The following GCG variants were observed in gnomAD, a reference collection of about 807,000 sequenced individuals.
GCG encodes the protein glucagon, also known as pro-glucagon.
A neutral mutation model predicts 22.8 loss-of-function variants in GCG; 11 were observed. That is an observed-to-expected ratio of 0.48 (90% CI 0.30 to 0.80). The LOEUF (loss-of-function observed/expected upper bound fraction) is 0.80. Among genes scored for constraint, GCG ranks in the 30% least tolerant of loss-of-function variants. The pLI is 0.06. For synonymous variants in GCG, 89 were observed against 72.4 expected (o/e 1.23, Z -1.16); for missense variants, 222 against 222.0 (o/e 1.00, Z 0.00).
chr2:162,150,016 G>A (rs184951871), intron 1 of GCG, among the ~76,000 whole-genome samples: 2 of 152,230 alleles, frequency 1.3e-5, no homozygotes, highest in Admixed American at 6.5e-5. Context: ...CATAGACTTG[G>A]TTATAGGATA....
At chr2:162,147,900 A>G (rs529437662) in intron 2 of GCG, among the ~76,000 whole-genome samples, 64 of 152,278 alleles carry the variant, frequency 4.2e-4, no homozygotes, top group Middle Eastern at 6.8e-3. Flanking sequence ...TTAAGCTCCC[A>G]ATTTTGTTTT....
Position 162,145,695 on chromosome 2 carries a change from G to A in GCG, c.255-18C>T, listed in dbSNP as rs768619109. 2.5e-6 allele frequency: 4 copies of A among 1,604,432 alleles called. No homozygotes were observed. In the South Asian group the frequency reaches 4.5e-5, roughly 18 times the overall value. On this transcript the variant is annotated intron_variant, in intron 3 of 5. Transcript: ENST00000418842. ...TGTTATTCCTGAAAGAAATGTGAAA[G>A]TTAAATTGAAGATCTGTCTCTTTGG...
rs761321249 is a variant in GCG at position 162,144,019 on chromosome 2, G to C, written c.536+8C>G. On this transcript the variant is annotated splice_region_variant and intron_variant, in intron 5 of 5. Transcript: ENST00000418842. ...GATGGTTTTCAGAATTAACTAAAAAGCAGTCACCTGTCAGTGATTTTGGTC... is the reference window on the plus strand; with the variant it reads ...GATGGTTTTCAGAATTAACTAAAAACCAGTCACCTGTCAGTGATTTTGGTC... The C allele has an allele frequency of 6.2e-7, 1 of 1,610,888 alleles. No homozygotes were observed. The highest frequency in any genetic ancestry group is 8.5e-7 in the Non-Finnish European group (1 of 1,177,508).
chr2:162,151,510 A>G (rs1686837169), intron 1 of GCG, among the ~76,000 whole-genome samples: 1 of 152,150 alleles, frequency 6.6e-6, no homozygotes, highest in African/African-American at 2.4e-5. Flanking sequence ...TCCTCAATAC[A>G]TAGTAAATAG....
At chr2:162,149,228 C>A in intron 1 of GCG, 41 bp from the exon 2 acceptor site, 2 of 1,142,502 alleles carry the variant, frequency 1.8e-6, no homozygotes, top group South Asian at 1.3e-5. Flanking sequence ...GGGGGGCAGG[C>A]AAGGATTTTT....
chr2:162,146,502 A>C (rs1455539841), intron 3 of GCG, among the ~76,000 whole-genome samples: 3 of 150,826 alleles, frequency 2.0e-5, no homozygotes, highest in Admixed American at 6.6e-5. Context: ...ACCTTTGATT[A>C]GCAACTCTGT....
At chr2:162,143,954 C>G (rs1686617721) in intron 5 of GCG, 73 bp downstream of exon 5, 1 of 1,294,696 alleles carries the variant, frequency 7.7e-7, no homozygotes, top group Non-Finnish European at 1.1e-6. Context: ...ACATGGGGAA[C>G]AGCTTGCAGC....
Position 162,145,526 on chromosome 2 carries a change from A to G in GCG, c.392+14T>C. 1 of 1,587,228 alleles carries G rather than the reference A, an allele frequency of 6.3e-7. No individual in the cohort carries two copies. The highest frequency in any genetic ancestry group is 8.6e-7 in the Non-Finnish European group (1 of 1,169,504). ...TCAAGGCAAAAAATGTCAAATAAGAATGTACAGACTTACTCTCGCCTTCCT... is the reference window on the plus strand; with the variant it reads ...TCAAGGCAAAAAATGTCAAATAAGAGTGTACAGACTTACTCTCGCCTTCCT... On this transcript the variant is annotated intron_variant, in intron 4 of 5. Coordinates refer to ENST00000418842, the MANE Select transcript of GCG (RefSeq NM_002054.5).
chr2:162,143,379 T>A lies in GCG; in HGVS notation c.537-9A>T. On this transcript the variant is annotated splice_polypyrimidine_tract_variant and intron_variant, in intron 5 of 5. Transcript: ENST00000418842. ...AGTGATATAGTTATTTCCTAGAGAT[T>A]AAAAAAAGAAAATGATTTAACATAA... is the stretch of plus-strand genomic sequence containing the variant. 1 of 1,079,958 alleles carries A rather than the reference T, an allele frequency of 9.3e-7. No homozygotes were observed. The highest frequency in any genetic ancestry group is 1.4e-6 in the Non-Finnish European group (1 of 739,254). 66.9% of individuals were successfully genotyped at this position (1,079,958 alleles called of 1,614,324 possible).
rs775901912 is a variant in GCG at position 162,149,169 on chromosome 2, T to A, written c.10A>T (p.Ile4Phe). The change falls in exon 2 of 6, where the codon ATT (isoleucine) becomes TTT (phenylalanine). Residue 4 changes from isoleucine to phenylalanine, a missense_variant. Ile to Phe is a conservative substitution (Grantham distance 21, BLOSUM62 0). Transcript: ENST00000418842. ...ACAAATAATCCAGCCACAAAGTAAATGCTTTTCATTTCTGCTGTCTGTCAG... is the reference window on the plus strand; with the variant it reads ...ACAAATAATCCAGCCACAAAGTAAAAGCTTTTCATTTCTGCTGTCTGTCAG... MKS[I>F]YFVAGLFVML... The A allele has an allele frequency of 1.4e-5, 23 of 1,610,408 alleles. No homozygotes were observed. In the South Asian group the frequency reaches 2.2e-4, roughly 15 times the overall value.
rs570983246 is a variant in GCG, at chr2:162,148,997, A to C, written c.92+90T>G. ...ATCATTGTGCAGAATATTTATTCTA[A>C]ATTACTGAGACCTTATTCACTAATC... On this transcript the variant is annotated intron_variant, in intron 2 of 5. Transcript: ENST00000418842. The C allele has an allele frequency of 7.5e-5, 57 of 760,712 alleles. No homozygotes were observed. The African/African-American group carries it at 8.5e-4, about 11-fold the overall frequency. The allele number at this position is 760,712 out of a possible 1,614,324, so 47.1% of individuals were successfully genotyped here. A position where few individuals can be genotyped will look rare whatever the true frequency, so the allele number is the denominator to read the frequency against.
chr2:162,145,813 G>A (rs1019176251), intron 3 of GCG, 136 bp from the exon 4 acceptor site: 15 of 624,798 alleles, frequency 2.4e-5, no homozygotes, highest in Non-Finnish European at 4.1e-5. Context: ...GGGTTGCTAG[G>A]GGATTTGTCG....
At chr2:162,150,592 C>G (rs1395816327) in intron 1 of GCG, among the ~76,000 whole-genome samples, 1 of 152,086 alleles carries the variant, frequency 6.6e-6, no homozygotes, top group East Asian at 1.9e-4. Context: ...AACCGGTTGG[C>G]AGACTTTGGA....
chr2:162,143,849 GT>G (rs1370682401), intron 5 of GCG, 177 bp downstream of exon 5: 2 of 632,886 alleles, frequency 3.2e-6, no homozygotes, highest in Non-Finnish European at 5.6e-6. Flanking sequence ...GATACAAACT[GT>G]AATGATACAA....
intron 5 of GCG, 77 bp downstream of exon 5, chr2:162,143,950 G>A (rs545620721): frequency 4.9e-5 from 61 of 1,253,208 alleles, no homozygotes; most frequent in Middle Eastern, 3.7e-4. Flanking sequence ...CCCTACATGG[G>A]GAACAGCTTG....
At chr2:162,145,733 C>T in intron 3 of GCG, 56 bp from the exon 4 acceptor site, 1 of 1,504,722 alleles carries the variant, frequency 6.6e-7, no homozygotes, top group East Asian at 2.3e-5. Context: ...ATATGGTTCT[C>T]ACCTATAAGC....
Position 162,144,029 on chromosome 2 carries a change from G to T in GCG, c.534C>A (p.Asp178Glu). ...AGAATTAACTAAAAAGCAGTCACCT[G>T]TCAGTGATTTTGGTCTGAATCAACC... is the stretch of plus-strand genomic sequence containing the variant. ...INWLIQTKIT[D>E]RK is the part of the protein sequence containing the mutation. The change falls in exon 5 of 6, where the codon GAC becomes GAA. Residue 178 changes from aspartate to glutamate, a missense_variant and splice_region_variant. Coordinates refer to ENST00000418842, the MANE Select transcript of GCG (RefSeq NM_002054.5). 1.2e-6 allele frequency: 2 copies of T among 1,612,064 alleles called. No individual in the cohort carries two copies. Among genetic ancestry groups the T allele is most frequent in the Non-Finnish European group, 1.7e-6 (2 of 1,178,440 alleles).
At chr2:162,147,621 G>C in intron 2 of GCG, 107 bp from the exon 3 acceptor site, 1 of 945,130 alleles carries the variant, frequency 1.1e-6, no homozygotes, top group East Asian at 2.4e-5. Flanking sequence ...AGTAAGGCAG[G>C]CATCTAGAGT....
At chr2:162,151,012 G>GA (rs571061299) in intron 1 of GCG, among the ~76,000 whole-genome samples, 159 of 147,060 alleles carry the variant, frequency 1.1e-3, no homozygotes, top group East Asian at 2.0e-3. Context: ...ATCGAATTGT[G>GA]AAAAAAAAAA....
Sources: gnomAD v4.1 joint callset for allele counts (sites outside exome capture counted in the v4.1 genomes callset) on GRCh38, gnomAD v4.1.1 for gene constraint, MANE v1.5 for transcripts, NCBI Gene and HGNC (gene_info 2026-07-23, HGNC 2026-07-21) for gene names.